The following ERC2 variants were observed in gnomAD, a reference collection of about 807,000 sequenced individuals.
ERC2 encodes ERC protein 2.
ERC2 carries 42 observed loss-of-function variants against 114.8 expected under a neutral mutation model. The ratio of observed to expected loss-of-function variants is 0.37; its 90% CI spans 0.29 to 0.47. The LOEUF (loss-of-function observed/expected upper bound fraction) is 0.47. ERC2 is among the 20% of genes least tolerant of loss of function. The pLI is 0.99. For synonymous variants in ERC2, 454 were observed against 425.5 expected, an observed-to-expected ratio of 1.07 and a Z score of -0.82; for missense variants, 939 against 1,150.7, an observed-to-expected ratio of 0.82 and a Z score of 2.66.
intron 6 of ERC2, among the ~76,000 whole-genome samples, chr3:56,086,844 A>G (rs2149774805): frequency 6.6e-6 from 1 of 152,266 alleles, no homozygotes; most frequent in Admixed American, 6.5e-5. Context: ...ATACTCCAAC[A>G]TCAGGTAGAG....
At chr3:56,023,665 C>CACAA (rs1388420445) in intron 7 of ERC2, among the ~76,000 whole-genome samples, 1 of 152,026 alleles carries the variant, frequency 6.6e-6, no homozygotes, top group Non-Finnish European at 1.5e-5. Context: ...TGGCCATGAG[C>CACAA]ACAATGAAGA....
chr3:55,957,422 G>C (rs186182050), intron 12 of ERC2, among the ~76,000 whole-genome samples: 2 of 152,294 alleles, frequency 1.3e-5, no homozygotes, highest in African/African-American at 4.8e-5. Context: ...TAAACCTAAG[G>C]CTCTTAAAAT....
At chr3:56,398,781 C>A (rs556496697) in intron 2 of ERC2, among the ~76,000 whole-genome samples, 13 of 152,028 alleles carry the variant, frequency 8.6e-5, no homozygotes, top group Non-Finnish European at 1.6e-4. Context: ...CCACCACACT[C>A]GAATAATTTT....
At chr3:55,738,897 C>G (rs191348352) in intron 14 of ERC2, among the ~76,000 whole-genome samples, 143 of 152,276 alleles carry the variant, frequency 9.4e-4, no homozygotes, top group Middle Eastern at 3.4e-3. Flanking sequence ...TTCCCTAATG[C>G]TCTCCCTCCA....
intron 3 of ERC2, among the ~76,000 whole-genome samples, chr3:56,244,174 G>A (rs1027824358): frequency 3.3e-5 from 5 of 152,074 alleles, no homozygotes; most frequent in Admixed American, 1.3e-4. Context: ...TCCTGTCACC[G>A]TGACATCATC....
At chr3:55,968,958 G>C (rs117483694) in intron 12 of ERC2, among the ~76,000 whole-genome samples, 1 of 151,752 alleles carries the variant, frequency 6.6e-6, no homozygotes, top group Non-Finnish European at 1.5e-5. Context: ...TATTCTACTC[G>C]GAATCCAGGC....
intron 17 of ERC2, among the ~76,000 whole-genome samples, chr3:55,556,008 A>G (rs2055581510): frequency 6.6e-6 from 1 of 152,152 alleles, no homozygotes; most frequent in African/African-American, 2.4e-5. Context: ...GACCATCACA[A>G]TGAAAAGTAC....
At chr3:56,124,787 T>C (rs1275304469) in intron 6 of ERC2, among the ~76,000 whole-genome samples, 1 of 151,720 alleles carries the variant, frequency 6.6e-6, no homozygotes, top group Non-Finnish European at 1.5e-5. Context: ...TGTGGAGAAA[T>C]GGAGATGAGA....
chr3:56,466,443 G>A (rs1326871490), intron 1 of ERC2, among the ~76,000 whole-genome samples: 1 of 152,140 alleles, frequency 6.6e-6, no homozygotes, highest in Non-Finnish European at 1.5e-5. Flanking sequence ...ATCCACCCGT[G>A]AAAGTCTTGC....
At chr3:56,040,580 C>CGTATACATATACATGTATATGTAT (rs1560072288) in intron 7 of ERC2, among the ~76,000 whole-genome samples, 3 of 74,570 alleles carry the variant, frequency 4.0e-5, no homozygotes, top group African/African-American at 9.5e-5. Flanking sequence ...TATATGTATA[C>CGTATACATATACATGTATATGTAT]ATATACATAT....
At chr3:56,422,289 C>G (rs909898113) in intron 2 of ERC2, among the ~76,000 whole-genome samples, 9 of 152,190 alleles carry the variant, frequency 5.9e-5, no homozygotes, top group Admixed American at 6.5e-5. Flanking sequence ...CTTGTAGATT[C>G]AGGGAATTTG....
At chr3:55,909,875 A>G (rs937397157) in intron 13 of ERC2, among the ~76,000 whole-genome samples, 3 of 152,200 alleles carry the variant, frequency 2.0e-5, no homozygotes, top group Non-Finnish European at 4.4e-5. Context: ...TTGCATCCAA[A>G]TATCATGGGA....
chr3:56,389,980 T>C (rs2106827604), intron 2 of ERC2, among the ~76,000 whole-genome samples: 1 of 152,262 alleles, frequency 6.6e-6, no homozygotes, highest in Admixed American at 6.5e-5. Context: ...GAGCCTTAAA[T>C]AGGGCTGAAA....
chr3:55,885,432 G>T (rs969138528), intron 14 of ERC2, among the ~76,000 whole-genome samples: 1 of 152,192 alleles, frequency 6.6e-6, no homozygotes, highest in South Asian at 2.1e-4. Context: ...GAAGCCCACA[G>T]GTTGGGCTTC....
At chr3:56,098,485 C>T (rs2078179504) in intron 6 of ERC2, among the ~76,000 whole-genome samples, 1 of 152,168 alleles carries the variant, frequency 6.6e-6, no homozygotes. Context: ...CTATGAGGCA[C>T]AGGTTTTGCT....
chr3:56,340,535 A>AATGTGT (rs1199330021), intron 2 of ERC2, among the ~76,000 whole-genome samples: 9 of 106,942 alleles, frequency 8.4e-5, no homozygotes, highest in African/African-American at 2.7e-4. Flanking sequence ...AGAGAGAGAG[A>AATGTGT]GAGTGAATGT....
chr3:56,165,225 T>A (rs1291516328), intron 4 of ERC2, among the ~76,000 whole-genome samples: 1 of 119,564 alleles, frequency 8.4e-6, no homozygotes, highest in Non-Finnish European at 1.9e-5. Flanking sequence ...TTAGCTTGTT[T>A]GGAGAACATA....
At chr3:55,544,824 AGG>A (rs1279629801) in intron 17 of ERC2, among the ~76,000 whole-genome samples, 1 of 152,218 alleles carries the variant, frequency 6.6e-6, no homozygotes, top group Non-Finnish European at 1.5e-5. Context: ...ACTCCGTGCT[AGG>A]GCTGTTACCT....
intron 13 of ERC2, among the ~76,000 whole-genome samples, chr3:55,949,545 C>A (rs1369099139): frequency 1.3e-5 from 2 of 150,018 alleles, no homozygotes; most frequent in African/African-American, 2.5e-5. Context: ...GTGCCATGCT[C>A]TATGCAAGGT....
Sources: gnomAD v4.1 joint callset for allele counts (sites outside exome capture counted in the v4.1 genomes callset) on GRCh38, gnomAD v4.1.1 for gene constraint, MANE v1.5 for transcripts, NCBI Gene and HGNC (gene_info 2026-07-23, HGNC 2026-07-21) for gene names.